The following PTPRT variants were observed in gnomAD, a reference collection of about 807,000 sequenced individuals.
PTPRT encodes receptor-type tyrosine-protein phosphatase T.
A neutral mutation model predicts 176.8 loss-of-function variants in PTPRT; 56 were observed. The observed-to-expected ratio is 0.32, with a 90% CI of 0.26 to 0.40. The LOEUF (loss-of-function observed/expected upper bound fraction) is 0.40, where lower values mean the gene tolerates loss of function less well. PTPRT is among the 10% of genes least tolerant of loss of function. The probability of loss-of-function intolerance (pLI) is 1.00; values close to 1 mark genes in which losing one functional copy is unlikely to be tolerated. For missense variants in PTPRT, 1,540 were observed against 1,908.2 expected, an observed-to-expected ratio of 0.81 and a Z score of 3.60; for synonymous variants, 783 against 739.0, an observed-to-expected ratio of 1.06 and a Z score of -0.96.
At chr20:42,139,189 C>T (rs747909374) in intron 18 of PTPRT, among the ~76,000 whole-genome samples, 5 of 152,184 alleles carry the variant, frequency 3.3e-5, no homozygotes, top group South Asian at 2.1e-4. Context: ...CTGGTTACCT[C>T]GGCACTGTCT....
At chr20:43,184,504 C>A (rs568598735) in intron 1 of PTPRT, among the ~76,000 whole-genome samples, 8 of 152,044 alleles carry the variant, frequency 5.3e-5, no homozygotes, top group Admixed American at 1.3e-4. Flanking sequence ...CTGGCTAACA[C>A]GGTGAAACTC....
chr20:42,505,096 C>T (rs1353802537), intron 7 of PTPRT, among the ~76,000 whole-genome samples: 1 of 152,116 alleles, frequency 6.6e-6, no homozygotes, highest in East Asian at 1.9e-4. Context: ...TCTTCCCTTT[C>T]TTTCCCCTCT....
At chr20:42,052,069 C>T in the PTPRT span, among the ~76,000 whole-genome samples, 2 of 152,220 alleles carry the variant, frequency 1.3e-5, no homozygotes, top group Non-Finnish European at 1.5e-5. Flanking sequence ...CCGGTGCTGA[C>T]TGCAGTTTGC....
intron 7 of PTPRT, among the ~76,000 whole-genome samples, chr20:42,509,819 A>T (rs1042263697): frequency 6.6e-6 from 1 of 152,098 alleles, no homozygotes; most frequent in Admixed American, 6.6e-5. Context: ...TGTATTGAGC[A>T]TCCACTTAGA....
At chr20:43,068,788 G>T (rs553653593) in intron 1 of PTPRT, among the ~76,000 whole-genome samples, 52 of 152,222 alleles carry the variant, frequency 3.4e-4, no homozygotes, top group African/African-American at 1.2e-3. Flanking sequence ...ATCAAAGAAG[G>T]TATAAGAAGA....
At chr20:42,517,111 T>C (rs1211500166) in intron 7 of PTPRT, among the ~76,000 whole-genome samples, 3 of 152,070 alleles carry the variant, frequency 2.0e-5, no homozygotes, top group Non-Finnish European at 4.4e-5. Context: ...AGATTAGAAT[T>C]TCCTTTTCCT....
At chr20:43,098,205 T>C (rs1448927869) in intron 1 of PTPRT, among the ~76,000 whole-genome samples, 1 of 151,228 alleles carries the variant, frequency 6.6e-6, no homozygotes, top group Non-Finnish European at 1.5e-5. Context: ...CAACATCAAA[T>C]ATTTAATTTG....
intron 1 of PTPRT, among the ~76,000 whole-genome samples, chr20:42,906,880 T>TA (rs1051320899): frequency 2.7e-4 from 41 of 151,642 alleles, no homozygotes; most frequent in Non-Finnish European, 1.0e-4. Context: ...AAAAAAAATG[T>TA]GAAACCTCAT....
At chr20:42,172,863 C>T (rs941492415) in intron 16 of PTPRT, among the ~76,000 whole-genome samples, 1 of 152,132 alleles carries the variant, frequency 6.6e-6, no homozygotes, top group African/African-American at 2.4e-5. Context: ...TCTTTCTACA[C>T]TAAGACCTGG....
At chr20:42,545,133 C>T (rs1366566524) in intron 7 of PTPRT, among the ~76,000 whole-genome samples, 1 of 152,210 alleles carries the variant, frequency 6.6e-6, no homozygotes, top group Non-Finnish European at 1.5e-5. Flanking sequence ...TCAGACCTGC[C>T]TGGATCCTCA....
intron 7 of PTPRT, among the ~76,000 whole-genome samples, chr20:42,488,494 A>G (rs2071501300): frequency 6.6e-6 from 1 of 152,180 alleles, no homozygotes; most frequent in Non-Finnish European, 1.5e-5. Context: ...AGTACTAAGG[A>G]GTTTGAGAAT....
At chr20:42,518,803 T>C (rs898886386) in intron 7 of PTPRT, among the ~76,000 whole-genome samples, 3 of 152,134 alleles carry the variant, frequency 2.0e-5, no homozygotes, top group Non-Finnish European at 4.4e-5. Context: ...CTTGAAAAAC[T>C]AGCTTAATAA....
chr20:42,247,369 A>T (rs2056470458), intron 14 of PTPRT, among the ~76,000 whole-genome samples: 1 of 152,192 alleles, frequency 6.6e-6, no homozygotes, highest in African/African-American at 2.4e-5. Flanking sequence ...GGACCCTAGT[A>T]TTTCTAAATC....
chr20:42,677,937 A>C lies in PTPRT; in HGVS notation c.1082T>G (p.Leu361Arg). 6.2e-7 allele frequency: 1 copy of C among 1,613,990 alleles called. No homozygotes were observed. Among genetic ancestry groups the C allele is most frequent in the South Asian group, 1.1e-5 (1 of 91,068 alleles). The stretch of plus-strand genomic sequence containing the variant: ...ACCCCCCTCACCTGGTCGTGTGAGG[A>C]GCACTCGGATCTCATACTCAACATC... ...DPDVEYEIRV[L>R]LTRPGEGGTG... The change falls in exon 7 of 31, where the codon CTC becomes CGC. Residue 361 changes from leucine (L) to arginine (R), a missense_variant. Around this residue, in one of 11 missense-constraint regions of PTPRT, gnomAD observed 273 missense variants for 432.1 expected, o/e 0.63. Coordinates refer to ENST00000373187, the MANE Select transcript of PTPRT (RefSeq NM_007050.6).
rs2146069659 is a variant in PTPRT, at chr20:42,678,174, A to G, written c.860-15T>C. On this transcript the variant is annotated splice_polypyrimidine_tract_variant and intron_variant, in intron 6 of 30. Coordinates refer to ENST00000373187, the MANE Select transcript of PTPRT (RefSeq NM_007050.6). ...CGTGGGAGGCTCTGTAAGACAAGCAATCAAAAAGGACTGTCAGATTCAAAT... is the reference window on the plus strand; with the variant it reads ...CGTGGGAGGCTCTGTAAGACAAGCAGTCAAAAAGGACTGTCAGATTCAAAT... The G allele has an allele frequency of 5.0e-6, 8 of 1,606,780 alleles. No homozygotes were observed. The highest frequency in any genetic ancestry group is 6.8e-6 in the Non-Finnish European group (8 of 1,175,054).
chr20:42,094,396 C>T (rs1022162497), intron 27 of PTPRT, among the ~76,000 whole-genome samples: 3 of 152,134 alleles, frequency 2.0e-5, no homozygotes, highest in Non-Finnish European at 2.9e-5. Flanking sequence ...TTCTATTGCT[C>T]AGGCCCCAAT....
At chr20:42,049,857 A>G in the PTPRT span, among the ~76,000 whole-genome samples, 1 of 152,180 alleles carries the variant, frequency 6.6e-6, no homozygotes, top group Non-Finnish European at 1.5e-5. Flanking sequence ...AGGGGCTGAG[A>G]TCAGCATCCC....
chr20:42,676,997 C>T (rs767121971), intron 7 of PTPRT, among the ~76,000 whole-genome samples: 21 of 152,080 alleles, frequency 1.4e-4, no homozygotes, highest in Non-Finnish European at 2.4e-4. Context: ...ATCAGAGAGA[C>T]AGGTGTAGTC....
rs370410777 is a variant in PTPRT at position 43,027,032 on chromosome 20, A to C, written c.89-141100T>G. Among the ~76,000 whole-genome samples the C allele has an allele frequency of 4.6e-5, 7 of 152,344 alleles. No individual in the cohort carries two copies. In the East Asian group the frequency reaches 1.2e-3, roughly 25 times the overall value. ...TATTGTGAATAGTGCTTCAATAAAC[A>C]TGAGAGTGCAGATATCTCTTCAATA... is the stretch of plus-strand genomic sequence containing the variant. On this transcript the variant is annotated intron_variant, in intron 1 of 30. Coordinates refer to ENST00000373187, the MANE Select transcript of PTPRT (RefSeq NM_007050.6).
Sources: allele counts gnomAD v4.1 joint callset (sites outside exome capture counted in the v4.1 genomes callset), GRCh38; gene constraint gnomAD v4.1.1; regional missense constraint gnomAD v4.1.1; transcripts MANE v1.5; gene names NCBI Gene and HGNC (gene_info 2026-07-23, HGNC 2026-07-21).